The following MARCHF10 variants were observed in gnomAD, a reference collection of about 807,000 sequenced individuals.
MARCHF10 encodes probable E3 ubiquitin-protein ligase MARCHF10.
A neutral mutation model predicts 76.2 loss-of-function variants in MARCHF10; 64 were observed. That is an observed-to-expected ratio of 0.84 (90% CI 0.69 to 1.03). The LOEUF is 1.03. Ranked by LOEUF, MARCHF10 falls within the 50% of genes least tolerant of loss-of-function variation. MARCHF10 has a pLI of 0.00. For missense variants in MARCHF10, 875 were observed against 958.0 expected (o/e 0.91, Z 1.14); for synonymous variants, 340 against 357.5 (o/e 0.95, Z 0.55).
Position 62,801,724 on chromosome 17 carries a change from G to A in MARCHF10, c.12C>T (p.Asp4=), listed in dbSNP as rs555427942. ...TGAAGAACTTCTGCCTGTCCCTTGC[G>A]TCATGCAACATGATTCCTAATCCCT... The part of the protein sequence containing the change: MLH[D]ARDRQKFFSD... The change falls in exon 2 of 11, where the codon GAC becomes GAT. Residue 4 remains aspartate (D), a synonymous_variant. Transcript: ENST00000311269. 403 of 1,613,884 alleles carry A rather than the reference G, an allele frequency of 2.5e-4. No homozygotes were observed. Among genetic ancestry groups the A allele is most frequent in the Non-Finnish European group, 3.3e-4 (389 of 1,179,918 alleles).
At chr17:62,798,656 A>G (rs1449114583) in intron 2 of MARCHF10, among the ~76,000 whole-genome samples, 1 of 152,136 alleles carries the variant, frequency 6.6e-6, no homozygotes, top group Non-Finnish European at 1.5e-5. Context: ...GGAAGCAGAG[A>G]CAGAAATGGA....
At chr17:62,741,587 G>A (rs545649817) in intron 5 of MARCHF10, among the ~76,000 whole-genome samples, 12 of 152,128 alleles carry the variant, frequency 7.9e-5, no homozygotes, top group African/African-American at 2.4e-4. Flanking sequence ...CCAAATTTAC[G>A]TCATGTAGAT....
Position 62,711,962 on chromosome 17 carries a change from C to G in MARCHF10, c.2215-618G>C, listed in dbSNP as rs2089956007. 6.6e-6 allele frequency among the ~76,000 whole-genome samples: 1 copy of G among 152,302 alleles called. No individual in the cohort carries two copies. The highest frequency in any genetic ancestry group is 2.1e-4 in the South Asian group (1 of 4,824). On this transcript the variant is annotated intron_variant, in intron 8 of 10. Transcript: ENST00000311269. This position sits in a 1 kb window ranked among gnomAD's most constrained non-coding sequence, Gnocchi z 4.4. The stretch of plus-strand genomic sequence containing the variant: ...GCTTTCTCTTGAGGAGTGGGCTGTG[C>G]TTTTTTTCTCGCTGGTGCTCAGAAC...
chr17:62,715,495 T>C (rs1458954521), intron 8 of MARCHF10, among the ~76,000 whole-genome samples: 1 of 152,230 alleles, frequency 6.6e-6, no homozygotes, highest in Non-Finnish European at 1.5e-5. Flanking sequence ...CGCCGCATGC[T>C]GCTGTCCAGG....
intron 2 of MARCHF10, chr17:62,794,918 A>T: frequency 4.9e-6 from 3 of 617,748 alleles, no homozygotes; most frequent in Non-Finnish European, 6.1e-6. Flanking sequence ...CATTAATTTT[A>T]AGAGGTCAAG....
chr17:62,792,136 C>G (rs1165601964), intron 2 of MARCHF10, among the ~76,000 whole-genome samples: 4 of 151,986 alleles, frequency 2.6e-5, no homozygotes, highest in Non-Finnish European at 4.4e-5. Context: ...CCCCCACCCC[C>G]CTAGTGCGTC....
intron 5 of MARCHF10, 128 bp from the exon 6 acceptor site, chr17:62,737,460 CA>C: frequency 1.2e-6 from 1 of 853,074 alleles, no homozygotes; most frequent in South Asian, 1.6e-5. Context: ...CAGACACGGT[CA>C]AAATGGCTGG....
At chr17:62,804,777 T>C (rs1195592281) in intron 1 of MARCHF10, 1 of 152,150 alleles carries the variant, frequency 6.6e-6, no homozygotes, top group African/African-American at 2.4e-5. Flanking sequence ...GTTTGTTGTC[T>C]ACTGAAGCTC....
At chr17:62,737,509 A>G (rs997790575) in intron 5 of MARCHF10, 177 bp from the exon 6 acceptor site, 10 of 625,768 alleles carry the variant, frequency 1.6e-5, no homozygotes, top group Admixed American at 3.1e-5. Context: ...GCTTCATTTT[A>G]CTGCCCCGTA....
intron 4 of MARCHF10, among the ~76,000 whole-genome samples, chr17:62,757,445 G>A (rs1568168121): frequency 1.3e-5 from 2 of 152,182 alleles, no homozygotes; most frequent in Non-Finnish European, 2.9e-5. Context: ...AAACTGTCAC[G>A]ACTGCCACTG....
chr17:62,808,229 A>T lies in MARCHF10; in HGVS notation c.-170T>A, dbSNP rs1413631430. Reference sequence around the variant, plus strand: ...CTCTTTTTGCTTCTTCACTCCCTACACCTGCCCCTCTTCCTCCTCCTTCCC... The same window carrying T: ...CTCTTTTTGCTTCTTCACTCCCTACTCCTGCCCCTCTTCCTCCTCCTTCCC... On this transcript the variant is annotated 5_prime_UTR_variant, in exon 1 of 11. Transcript: ENST00000311269. The T allele has an allele frequency of 3.9e-5, 6 of 152,548 alleles. No homozygotes were observed. Among genetic ancestry groups the T allele is most frequent in the Non-Finnish European group, 1.5e-5 (1 of 68,390 alleles). 9.4% of individuals were successfully genotyped at this position (152,548 alleles called of 1,614,324 possible). A position where few individuals can be genotyped will look rare whatever the true frequency, so the allele number is the denominator to read the frequency against.
rs2092388075 is a variant in MARCHF10 at position 62,768,810 on chromosome 17, C to T, written c.211-8804G>A. Among the ~76,000 whole-genome samples the T allele has an allele frequency of 2.6e-5, 4 of 152,242 alleles. No homozygotes were observed. The South Asian group carries it at 8.3e-4, about 32-fold the overall frequency. ...ACATTCTCCTGCAATGCCACAATAC[C>T]ATTATTTTACCTAAGAAAATTTAAT... On this transcript the variant is annotated intron_variant, in intron 3 of 10. Transcript: ENST00000311269.
At chr17:62,792,619 C>T (rs543892983) in intron 2 of MARCHF10, among the ~76,000 whole-genome samples, 2 of 147,270 alleles carry the variant, frequency 1.4e-5, no homozygotes, top group East Asian at 2.0e-4. Context: ...CAACCACCAA[C>T]GCCTCCATCA....
rs111826478 is a variant in MARCHF10, at chr17:62,712,403, C to T, written c.2215-1059G>A. On this transcript the variant is annotated intron_variant, in intron 8 of 10. Transcript: ENST00000311269. The surrounding 1 kb of genome is among the most constrained non-coding windows in gnomAD (Gnocchi z 4.2). ...CTTCTTCCTGCAGCAGCGCGGGTGC[C>T]ACATCTTCCTGTTCTCATTAGATCC... Among the ~76,000 whole-genome samples the T allele has an allele frequency of 0.016, 2,439 of 152,316 alleles. 70 individuals carry two copies. The highest frequency in any genetic ancestry group is 0.056 in the African/African-American group (2,333 of 41,562).
intron 3 of MARCHF10, among the ~76,000 whole-genome samples, chr17:62,782,013 C>T (rs2092667663): frequency 6.6e-6 from 1 of 152,176 alleles, no homozygotes; most frequent in Admixed American, 6.5e-5. Flanking sequence ...GAGGAAATGA[C>T]TTGGGATATT....
rs768756258 is a variant in MARCHF10 at position 62,736,429 on chromosome 17, G to GCAGA, written c.1435_1438dup (p.Ala480ValfsTer6). 6.2e-7 allele frequency: 1 copy of GCAGA among 1,614,144 alleles called. No homozygotes were observed. Among genetic ancestry groups the GCAGA allele is most frequent in the South Asian group, 1.1e-5 (1 of 91,082 alleles). Reference sequence around the variant, plus strand: ...GTCTACTGGAATATCATCTCTCAGAGCAGAATGCATGAATGATGCAGGAGG... The same window carrying GCAGA: ...GTCTACTGGAATATCATCTCTCAGAGCAGACAGAATGCATGAATGATGCAGGAGG... On this transcript the variant is annotated frameshift_variant, in exon 6 of 11. Transcript: ENST00000311269. LOFTEE classifies it high-confidence loss of function.
At chr17:62,746,463 A>AAGAGAG (rs148088908) in intron 4 of MARCHF10, among the ~76,000 whole-genome samples, 4 of 150,638 alleles carry the variant, frequency 2.7e-5, no homozygotes, top group Non-Finnish European at 4.4e-5. Context: ...GAGAGACAGA[A>AAGAGAG]AGACAGAGAG....
intron 1 of MARCHF10, among the ~76,000 whole-genome samples, chr17:62,802,498 GT>G (rs2093091607): frequency 6.6e-6 from 1 of 152,162 alleles, no homozygotes; most frequent in Admixed American, 6.5e-5. Context: ...GGGATTATAG[GT>G]GTGAGCCACC....
intron 2 of MARCHF10, among the ~76,000 whole-genome samples, chr17:62,799,812 T>G (rs959631760): frequency 2.0e-5 from 3 of 152,052 alleles, no homozygotes; most frequent in Non-Finnish European, 4.4e-5. Flanking sequence ...AGTGTGACAC[T>G]TCCGTACTTT....
Sources: allele counts gnomAD v4.1 joint callset (sites outside exome capture counted in the v4.1 genomes callset), GRCh38; gene constraint gnomAD v4.1.1; non-coding constraint Gnocchi (gnomAD v3.1); transcripts MANE v1.5; gene names NCBI Gene and HGNC (gene_info 2026-07-23, HGNC 2026-07-21).